DLGAP1: variants seen among roughly 807,000 people sequenced by gnomAD.
DLGAP1 encodes the protein DLG associated protein 1.
Under a neutral mutation model 90.8 loss-of-function variants are expected in DLGAP1, and 11 were observed. The observed-to-expected ratio is 0.12, with a 90% confidence interval of 0.08 to 0.20. The LOEUF (loss-of-function observed/expected upper bound fraction) is 0.20. Among genes scored for constraint, DLGAP1 ranks in the 10% least tolerant of loss-of-function variants. The probability of loss-of-function intolerance (pLI) is 1.00; values close to 1 mark genes in which losing one functional copy is unlikely to be tolerated. For synonymous variants in DLGAP1, 558 were observed against 540.7 expected (o/e 1.03, Z -0.44); for missense variants, 1,050 against 1,333.8 (o/e 0.79, Z 3.31).
chr18:4,246,201 G>A (rs1468582791), intron 1 of DLGAP1, among the ~76,000 whole-genome samples: 1 of 151,936 alleles, frequency 6.6e-6, no homozygotes, highest in East Asian at 1.9e-4. Flanking sequence ...ATGTAATTAG[G>A]TTTTATGAAG....
At chr18:4,425,441 G>C (rs77721632) in intron 1 of DLGAP1, among the ~76,000 whole-genome samples, 1,948 of 152,274 alleles carry the variant, frequency 0.013, 51 homozygotes, top group African/African-American at 0.045. Flanking sequence ...TAGTGGTACA[G>C]TCATGATGAC....
At chr18:3,596,401 CT>C (rs2056578343) in intron 7 of DLGAP1, among the ~76,000 whole-genome samples, 1 of 152,154 alleles carries the variant, frequency 6.6e-6, no homozygotes, top group Non-Finnish European at 1.5e-5. Context: ...CTTAGATGAT[CT>C]GTCTGCCTCG....
At chr18:3,573,221 T>C (rs1209616943) in intron 8 of DLGAP1, among the ~76,000 whole-genome samples, 1 of 152,008 alleles carries the variant, frequency 6.6e-6, no homozygotes, top group Non-Finnish European at 1.5e-5. Context: ...AAGAATCTTG[T>C]CTGGGCGCAG....
chr18:4,076,531 C>T (rs1176374956), intron 2 of DLGAP1, among the ~76,000 whole-genome samples: 2 of 152,106 alleles, frequency 1.3e-5, no homozygotes, highest in African/African-American at 4.8e-5. Flanking sequence ...AGCCTAGGGT[C>T]TAGTGCTTTG....
At chr18:3,797,749 T>C (rs1188428818) in intron 5 of DLGAP1, among the ~76,000 whole-genome samples, 2 of 152,194 alleles carry the variant, frequency 1.3e-5, no homozygotes, top group South Asian at 4.1e-4. Flanking sequence ...TGTATCATAA[T>C]GTACTAGGGA....
intron 7 of DLGAP1, among the ~76,000 whole-genome samples, chr18:3,616,586 C>CA (rs2057877134): frequency 7.0e-6 from 1 of 142,668 alleles, no homozygotes. Context: ...CCCATCTCCA[C>CA]AAAACAAAAA....
At position 3,832,668 on chromosome 18, in the gene DLGAP1, C is replaced by CTT. The variant is rs531665859; in HGVS notation, c.958-18397_958-18396dup. On this transcript the variant is annotated intron_variant, in intron 4 of 12. Transcript: ENST00000315677. ...TGTTGGAACGGCCACAGAGAACCTT[C>CTT]TTTTTTTTTTTTTCCCAGGAGGGAA... Among the ~76,000 whole-genome samples the CTT allele has an allele frequency of 9.8e-3, 1,395 of 142,630 alleles. 56 individuals carry two copies. The highest frequency in any genetic ancestry group is 0.073 in the East Asian group (359 of 4,948). The allele number at this position is 142,630 out of a possible 152,430, so 93.6% of individuals were successfully genotyped here. A position where few individuals can be genotyped will look rare whatever the true frequency, so the allele number is the denominator to read the frequency against.
intron 8 of DLGAP1, among the ~76,000 whole-genome samples, chr18:3,570,479 A>G (rs1321053729): frequency 6.6e-6 from 1 of 151,886 alleles, no homozygotes; most frequent in Non-Finnish European, 1.5e-5. Context: ...GGATTTCACT[A>G]CATTGGCCAG....
intron 3 of DLGAP1, among the ~76,000 whole-genome samples, chr18:3,961,083 C>T (rs1216374635): frequency 6.6e-6 from 1 of 152,178 alleles, no homozygotes; most frequent in Non-Finnish European, 1.5e-5. Flanking sequence ...ACGAGTCGCC[C>T]TGGGCCGCTG....
At chr18:3,612,047 T>C (rs1257232559) in intron 7 of DLGAP1, among the ~76,000 whole-genome samples, 15 of 152,278 alleles carry the variant, frequency 9.9e-5, no homozygotes, top group Admixed American at 8.5e-4. Context: ...CCTTTGCTTT[T>C]CATGCCTGAA....
intron 1 of DLGAP1, among the ~76,000 whole-genome samples, chr18:4,410,125 G>A (rs984794996): frequency 6.6e-6 from 1 of 152,152 alleles, no homozygotes; most frequent in African/African-American, 2.4e-5. Context: ...AAAGGCATAA[G>A]AATGATACAA....
chr18:3,715,745 T>C (rs555478025), intron 7 of DLGAP1, among the ~76,000 whole-genome samples: 1 of 152,302 alleles, frequency 6.6e-6, no homozygotes, highest in East Asian at 1.9e-4. Flanking sequence ...AAGCATGCCC[T>C]TGAGAGCTGA....
chr18:3,641,312 C>G (rs1485854066), intron 7 of DLGAP1, among the ~76,000 whole-genome samples: 1 of 151,776 alleles, frequency 6.6e-6, no homozygotes, highest in Non-Finnish European at 1.5e-5. Context: ...ATTTGGGAGG[C>G]CAAGGCAGGC....
At chr18:3,563,632 G>T (rs1001836413) in intron 9 of DLGAP1, among the ~76,000 whole-genome samples, 1 of 151,986 alleles carries the variant, frequency 6.6e-6, no homozygotes, top group Non-Finnish European at 1.5e-5. Context: ...ACCATACCCG[G>T]CTAATTTTTT....
intron 8 of DLGAP1, among the ~76,000 whole-genome samples, chr18:3,568,875 A>G (rs2054590695): frequency 6.6e-6 from 1 of 150,968 alleles, no homozygotes; most frequent in Admixed American, 6.6e-5. Context: ...TTTAGTAGAG[A>G]CGGGGTTTCA....
chr18:4,140,935 T>TC, intron 2 of DLGAP1, among the ~76,000 whole-genome samples: 1 of 152,032 alleles, frequency 6.6e-6, no homozygotes, highest in Non-Finnish European at 1.5e-5. Context: ...GTTATTTGTT[T>TC]TTTTCTCTTG....
chr18:4,189,514 C>T (rs1200208783), intron 1 of DLGAP1, among the ~76,000 whole-genome samples: 1 of 152,046 alleles, frequency 6.6e-6, no homozygotes, highest in African/African-American at 2.4e-5. Flanking sequence ...TTAAGAGGGA[C>T]TCAACATTCT....
chr18:3,837,850 A>C (rs1296846991), intron 4 of DLGAP1, among the ~76,000 whole-genome samples: 3 of 35,100 alleles, frequency 8.5e-5, no homozygotes, highest in African/African-American at 2.9e-4. Context: ...AGATTCTGTC[A>C]AAAAAAAAAA....
At chr18:3,736,902 G>T (rs1230349688) in intron 6 of DLGAP1, among the ~76,000 whole-genome samples, 1 of 150,358 alleles carries the variant, frequency 6.7e-6, no homozygotes, top group Admixed American at 6.6e-5. Flanking sequence ...AAAGAGAGAA[G>T]AATCAAATAG....
Sources: gnomAD v4.1 joint callset for allele counts (sites outside exome capture counted in the v4.1 genomes callset) on GRCh38, gnomAD v4.1.1 for gene constraint, MANE v1.5 for transcripts, NCBI Gene and HGNC (gene_info 2026-07-23, HGNC 2026-07-21) for gene names.